UNC5D: variants seen among roughly 807,000 people sequenced by gnomAD.
The protein encoded by UNC5D is unc-5 netrin receptor D, also known as netrin receptor UNC5D.
In UNC5D, 39 loss-of-function variants were observed where a neutral mutation model predicts 105.4. That is an observed-to-expected ratio of 0.37 (90% confidence interval 0.29 to 0.48). The LOEUF is 0.48. Among genes scored for constraint, UNC5D ranks in the 20% least tolerant of loss-of-function variants. The pLI is 0.98. For synonymous variants in UNC5D, 452 were observed against 450.4 expected (o/e 1.00, Z -0.04); for missense variants, 991 against 1,202.4 (o/e 0.82, Z 2.60).
chr8:35,474,406 C>T (rs1809942257), intron 1 of UNC5D, among the ~76,000 whole-genome samples: 1 of 152,030 alleles, frequency 6.6e-6, no homozygotes, highest in African/African-American at 2.4e-5. Context: ...TTTCTACCAC[C>T]CAAAATAGAG....
intron 1 of UNC5D, among the ~76,000 whole-genome samples, chr8:35,239,789 A>C (rs1361725093): frequency 6.6e-6 from 1 of 152,146 alleles, no homozygotes; most frequent in East Asian, 1.9e-4. Flanking sequence ...CTAACTGCTC[A>C]ACAGAATAGA....
At chr8:35,389,645 C>A (rs996711384) in intron 1 of UNC5D, among the ~76,000 whole-genome samples, 14 of 150,778 alleles carry the variant, frequency 9.3e-5, no homozygotes, top group African/African-American at 3.4e-4. Context: ...TATATAATAC[C>A]AAGGCTGAAA....
intron 16 of UNC5D, among the ~76,000 whole-genome samples, chr8:35,777,310 G>A (rs541070322): frequency 1.3e-4 from 20 of 152,330 alleles, no homozygotes; most frequent in African/African-American, 4.8e-4. Flanking sequence ...TTGGAAGGCT[G>A]AGGCAGGAGG....
At chr8:35,591,883 A>G (rs924574855) in intron 3 of UNC5D, among the ~76,000 whole-genome samples, 11 of 152,216 alleles carry the variant, frequency 7.2e-5, no homozygotes, top group African/African-American at 2.2e-4. Flanking sequence ...CAACACAGCA[A>G]TCTTCGATGT....
Position 35,750,754 on chromosome 8 carries a change from C to A in UNC5D, c.2108C>A (p.Ser703Tyr). 3 of 1,614,108 alleles carry A rather than the reference C, an allele frequency of 1.9e-6. No individual in the cohort carries two copies. Among genetic ancestry groups the A allele is most frequent in the Non-Finnish European group, 2.5e-6 (3 of 1,180,016 alleles). Residue 703 changes from serine (S) to tyrosine (Y), a missense_variant, in exon 13 of 17, where the codon TCC becomes TAC. Physicochemically the swap from Ser to Tyr is moderately radical, Grantham distance 144 (BLOSUM62 -2). This residue lies in a region of UNC5D where 944 missense variants were observed against 1,131.6 expected (regional missense o/e 0.83). Transcript: ENST00000404895. ...VAVFGCMSCN[S>Y]LDYNLRVYCV... ...GTTTTTGGCTGCATGTCCTGTAACT[C>A]CCTGGATTACAACTTGAGAGTTTAC...
chr8:35,565,661 A>G (rs751978918), intron 2 of UNC5D, among the ~76,000 whole-genome samples: 9 of 152,164 alleles, frequency 5.9e-5, no homozygotes, highest in Non-Finnish European at 1.2e-4. Context: ...AATGTCTACA[A>G]TAATTTTTCT....
chr8:35,710,931 A>ATTTTTTTTT (rs1827896059), intron 8 of UNC5D, among the ~76,000 whole-genome samples: 1 of 122,026 alleles, frequency 8.2e-6, no homozygotes, highest in African/African-American at 4.2e-5. Flanking sequence ...GCTCAGCATT[A>ATTTTTTTTT]TTCTTTTTTT....
intron 1 of UNC5D, among the ~76,000 whole-genome samples, chr8:35,433,752 G>A (rs991926732): frequency 1.3e-5 from 2 of 151,572 alleles, no homozygotes; most frequent in African/African-American, 4.8e-5. Context: ...AGGAGGCTGA[G>A]GCAGGAGAAT....
intron 1 of UNC5D, among the ~76,000 whole-genome samples, chr8:35,347,201 C>A (rs1431412982): frequency 6.6e-6 from 1 of 151,982 alleles, no homozygotes; most frequent in African/African-American, 2.4e-5. Flanking sequence ...AGGTTTGGAG[C>A]AGAATTAGAT....
At chr8:35,319,961 T>G (rs1335823874) in intron 1 of UNC5D, among the ~76,000 whole-genome samples, 1 of 152,104 alleles carries the variant, frequency 6.6e-6, no homozygotes, top group Non-Finnish European at 1.5e-5. Flanking sequence ...CTAGACTCAC[T>G]GACCGTAAGT....
At position 35,534,636 on chromosome 8, in the gene UNC5D, G is replaced by A. The variant is rs369397127; in HGVS notation, c.104-14656G>A. Among the ~76,000 whole-genome samples, 8 of 151,736 alleles carry A rather than the reference G, an allele frequency of 5.3e-5. 1 individual carries two copies. The highest frequency in any genetic ancestry group is 1.7e-4 in the African/African-American group (7 of 41,398). On this transcript the variant is annotated intron_variant, in intron 1 of 16. Coordinates refer to ENST00000404895, the MANE Select transcript of UNC5D (RefSeq NM_080872.4). ...ATTTATATAAAATGGTATCCAAAAA[G>A]TATTCAGGGCCATTTTTAAGTAAAG... is the stretch of plus-strand genomic sequence containing the variant.
intron 1 of UNC5D, among the ~76,000 whole-genome samples, chr8:35,482,950 C>G (rs1810580450): frequency 6.6e-6 from 1 of 151,482 alleles, no homozygotes; most frequent in African/African-American, 2.4e-5. Context: ...TTACAGGCGC[C>G]TGCCACCACG....
At chr8:35,320,878 A>G (rs1409532556) in intron 1 of UNC5D, among the ~76,000 whole-genome samples, 1 of 152,146 alleles carries the variant, frequency 6.6e-6, no homozygotes, top group Non-Finnish European at 1.5e-5. Flanking sequence ...TTGACTTACA[A>G]ATGTATAGCC....
At chr8:35,540,125 C>G (rs1335277296) in intron 1 of UNC5D, among the ~76,000 whole-genome samples, 1 of 152,100 alleles carries the variant, frequency 6.6e-6, no homozygotes, top group East Asian at 1.9e-4. Flanking sequence ...TTCCCAAATC[C>G]CACTAGGTTT....
intron 14 of UNC5D, among the ~76,000 whole-genome samples, chr8:35,763,491 A>C (rs1775623631): frequency 6.6e-6 from 1 of 151,508 alleles, no homozygotes; most frequent in African/African-American, 2.4e-5. Flanking sequence ...CAAAGATTCA[A>C]ATCAAATTGC....
chr8:35,641,012 A>G (rs1407576230), intron 4 of UNC5D, among the ~76,000 whole-genome samples: 2 of 151,948 alleles, frequency 1.3e-5, no homozygotes, highest in African/African-American at 4.8e-5. Flanking sequence ...CTTTCTATTT[A>G]TAAGACAGCT....
chr8:35,631,236 C>G (rs1157195065), intron 4 of UNC5D, among the ~76,000 whole-genome samples: 1 of 152,098 alleles, frequency 6.6e-6, no homozygotes, highest in Non-Finnish European at 1.5e-5. Context: ...ATGGCTTCAA[C>G]CCAGGAGGCG....
intron 8 of UNC5D, among the ~76,000 whole-genome samples, chr8:35,706,565 C>T (rs747280742): frequency 6.6e-6 from 1 of 152,102 alleles, no homozygotes; most frequent in African/African-American, 2.4e-5. Context: ...ACCTTATGCT[C>T]TTTAGTATCA....
intron 15 of UNC5D, among the ~76,000 whole-genome samples, chr8:35,773,881 C>G (rs1026896428): frequency 2.0e-5 from 3 of 152,128 alleles, no homozygotes; most frequent in African/African-American, 7.2e-5. Context: ...TGCCACTATG[C>G]CCAGCTAATT....
Sources: gnomAD v4.1 joint callset for allele counts (sites outside exome capture counted in the v4.1 genomes callset) on GRCh38, gnomAD v4.1.1 for gene constraint, gnomAD v4.1.1 regional missense constraint, MANE v1.5 for transcripts, NCBI Gene and HGNC (gene_info 2026-07-23, HGNC 2026-07-21) for gene names.